Variants in WDR4 observed in about 807,000 individuals in gnomAD.
The protein encoded by WDR4 is tRNA (guanine-N(7)-)-methyltransferase non-catalytic subunit WDR4.
In WDR4, 47 loss-of-function variants were observed where a neutral mutation model predicts 48.6. The ratio of observed to expected loss-of-function variants is 0.97; its 90% confidence interval spans 0.77 to 1.23. WDR4 has a LOEUF of 1.23. Ranked by LOEUF, WDR4 falls within the 50% of genes most tolerant of loss-of-function variation. WDR4 has a pLI of 0.00. For missense variants in WDR4, 606 were observed against 551.6 expected, an observed-to-expected ratio of 1.10 and a Z score of -0.99; for synonymous variants, 268 against 230.0, an observed-to-expected ratio of 1.17 and a Z score of -1.49.
Position 42,864,021 on chromosome 21 carries a change from G to C in WDR4, c.297-425C>G, listed in dbSNP as rs2058186351. ...ACTCGGGAGGCTGAGGCGGGAGAAT[G>C]GCGTGAACCCGGGAGGCGGAGCTTG... On this transcript the variant is annotated intron_variant, in intron 3 of 10. Coordinates refer to ENST00000398208, the MANE Select transcript of WDR4 (RefSeq NM_018669.6). Among the ~76,000 whole-genome samples, 3 of 81,608 alleles carry C rather than the reference G, an allele frequency of 3.7e-5. 1 individual carries two copies. The South Asian group carries it at 1.1e-3, about 30-fold the overall frequency. 53.5% of individuals were successfully genotyped at this position (81,608 alleles called of 152,430 possible). A position where few individuals can be genotyped will look rare whatever the true frequency, so the allele number is the denominator to read the frequency against.
At position 42,854,566 on chromosome 21, in the gene WDR4, CGCACAGGA is replaced by C. The variant is rs2057934167; in HGVS notation, c.779_786del (p.Leu260ArgfsTer67). On this transcript the variant is annotated frameshift_variant, in exon 8 of 11. Transcript: ENST00000398208. LOFTEE classifies it high-confidence loss of function. ...AGAGGTGCCGCCGCAGCTTACCCGT[CGCACAGGA>C]GCGCCACGCAGTTCTCCTGGCACCA... 6.2e-7 allele frequency: 1 copy of C among 1,613,272 alleles called. No homozygotes were observed. Among genetic ancestry groups the C allele is most frequent in the African/African-American group, 1.3e-5 (1 of 74,908 alleles).
At chr21:42,847,640 A>C (rs1469905433), downstream of WDR4, among the ~76,000 whole-genome samples, 2 of 152,260 alleles carry the variant, frequency 1.3e-5, no homozygotes, top group African/African-American at 4.8e-5. Flanking sequence ...GACACAGATA[A>C]GACATGGACA....
the WDR4 span, among the ~76,000 whole-genome samples, chr21:42,891,642 A>T: frequency 1.3e-5 from 2 of 151,922 alleles, no homozygotes; most frequent in African/African-American, 4.8e-5. Flanking sequence ...TGGACACAAC[A>T]GAATGAGCCT....
intron 9 of WDR4, among the ~76,000 whole-genome samples, chr21:42,853,156 G>A (rs185432356): frequency 9.1e-4 from 138 of 152,226 alleles, no homozygotes; most frequent in Admixed American, 1.7e-3. Context: ...TCAGCCTGCC[G>A]CCCTTGCCCC....
chr21:42,882,434 G>A (rs2058615777), upstream of WDR4, among the ~76,000 whole-genome samples: 1 of 149,184 alleles, frequency 6.7e-6, no homozygotes, highest in Non-Finnish European at 1.5e-5. Flanking sequence ...TTGGTGGCAT[G>A]CACCTGTAAT....
chr21:42,886,003 C>T, the WDR4 span, among the ~76,000 whole-genome samples: 2 of 145,782 alleles, frequency 1.4e-5, no homozygotes, highest in African/African-American at 2.6e-5. Flanking sequence ...GTCACCCAGG[C>T]TGGAGTACAG....
chr21:42,891,561 G>C, the WDR4 span, among the ~76,000 whole-genome samples: 1 of 152,058 alleles, frequency 6.6e-6, no homozygotes, highest in Admixed American at 6.6e-5. Flanking sequence ...TTCCAGATCA[G>C]GATCCCCAAA....
the WDR4 span, among the ~76,000 whole-genome samples, chr21:42,886,498 C>T: frequency 6.6e-6 from 1 of 152,096 alleles, no homozygotes; most frequent in African/African-American, 2.4e-5. Context: ...TTCACACGTC[C>T]AGCAGTTTTG....
rs765253587 is a variant in WDR4 at position 42,862,306 on chromosome 21, T to C, written c.542A>G (p.Glu181Gly). 1.2e-6 allele frequency: 2 copies of C among 1,610,592 alleles called. No individual in the cohort carries two copies. Among genetic ancestry groups the C allele is most frequent in the Non-Finnish European group, 1.7e-6 (2 of 1,178,830 alleles). The change falls in exon 5 of 11, where the codon GAG becomes GGG. Residue 181 changes from glutamate (E) to glycine (G), a missense_variant. Coordinates refer to ENST00000398208, the MANE Select transcript of WDR4 (RefSeq NM_018669.6). This position sits in a 1 kb window ranked among gnomAD's most constrained non-coding sequence, Gnocchi z 4.3. ...CTCTGTGTGCCCCAAGCAGAAGGAC[T>C]CGATGCTATGGGGCGCCGCGGCCCA... Reference protein sequence around the residue: ...VSWAAAPHSIESFCLGHTEFV... With the variant: ...VSWAAAPHSIGSFCLGHTEFV...
the WDR4 span, among the ~76,000 whole-genome samples, chr21:42,884,822 T>G: frequency 0.6 from 91,170 of 151,826 alleles, 28,146 homozygotes; most frequent in African/African-American, 0.71. Context: ...TGTCCCCCAG[T>G]CTGAAGTGCA....
At chr21:42,859,838 G>T in intron 5 of WDR4, 116 bp from the exon 6 acceptor site, 3 of 1,084,382 alleles carry the variant, frequency 2.8e-6, no homozygotes, top group Non-Finnish European at 2.7e-6. Flanking sequence ...TAAACCCCCT[G>T]ATCCAATAAA....
At chr21:42,877,316 G>C (rs532090720) in intron 1 of WDR4, among the ~76,000 whole-genome samples, 1 of 150,748 alleles carries the variant, frequency 6.6e-6, no homozygotes, top group Admixed American at 6.6e-5. Flanking sequence ...GCTAATTTTT[G>C]TAGTTTTGGT....
Position 42,878,864 on chromosome 21 carries a change from G to C in WDR4, c.89+543C>G, listed in dbSNP as rs555443741. ...GGGTAAGTGTCGGAGATGACTTGGA[G>C]CCCTAAGGAGCAATTAAGGCCAGGT... On this transcript the variant is annotated intron_variant, in intron 1 of 10. Coordinates refer to ENST00000398208, the MANE Select transcript of WDR4 (RefSeq NM_018669.6). 40 of 760,692 alleles carry C rather than the reference G, an allele frequency of 5.3e-5. No homozygotes were observed. In the East Asian group the frequency reaches 3.2e-3, roughly 61 times the overall value. 47.1% of individuals were successfully genotyped at this position (760,692 alleles called of 1,614,324 possible). A position where few individuals can be genotyped will look rare whatever the true frequency, so the allele number is the denominator to read the frequency against.
chr21:42,869,670 A>G (rs1053471006), intron 3 of WDR4, among the ~76,000 whole-genome samples: 40 of 148,174 alleles, frequency 2.7e-4, no homozygotes, highest in Admixed American at 2.7e-3. Flanking sequence ...GGATATGGAA[A>G]AAAAAAAAGT....
intron 6 of WDR4, among the ~76,000 whole-genome samples, chr21:42,856,843 C>T (rs1602708961): frequency 6.6e-6 from 1 of 152,108 alleles, no homozygotes; most frequent in East Asian, 1.9e-4. Flanking sequence ...TGGAGACCAA[C>T]ACACACATCT....
intron 1 of WDR4, among the ~76,000 whole-genome samples, chr21:42,877,958 T>C (rs1296081167): frequency 7.0e-6 from 1 of 143,070 alleles, no homozygotes; most frequent in Admixed American, 7.4e-5. Context: ...GGCAGGAGAA[T>C]GGCGTGAACC....
upstream of WDR4, among the ~76,000 whole-genome samples, chr21:42,880,144 AT>A (rs1296126822): frequency 4.6e-5 from 7 of 151,310 alleles, no homozygotes; most frequent in Admixed American, 4.6e-4. Context: ...AAAAAAAAAA[AT>A]GTCCAAGATG....
At chr21:42,891,479 A>G in the WDR4 span, among the ~76,000 whole-genome samples, 1 of 152,040 alleles carries the variant, frequency 6.6e-6, no homozygotes, top group Non-Finnish European at 1.5e-5. Context: ...CATCTGCCGC[A>G]TGTGCCCGCT....
chr21:42,846,765 T>C (rs375789120), downstream of WDR4, among the ~76,000 whole-genome samples: 22 of 152,222 alleles, frequency 1.4e-4, 1 homozygote, highest in South Asian at 2.1e-3. Context: ...CTGACACCTA[T>C]AATCCCAGCA....
Sources: allele counts gnomAD v4.1 joint callset (sites outside exome capture counted in the v4.1 genomes callset), GRCh38; gene constraint gnomAD v4.1.1; non-coding constraint Gnocchi (gnomAD v3.1); transcripts MANE v1.5; gene names NCBI Gene and HGNC (gene_info 2026-07-23, HGNC 2026-07-21).